Variants in ARID5B observed in about 807,000 individuals in gnomAD.
The protein encoded by ARID5B is AT-rich interactive domain-containing protein 5B.
Under a neutral mutation model 97.2 loss-of-function variants are expected in ARID5B, and 13 were observed. That is an observed-to-expected ratio of 0.13 (90% CI 0.09 to 0.21). ARID5B has a LOEUF of 0.21. ARID5B is among the 10% of genes least tolerant of loss of function. ARID5B has a pLI of 1.00. For missense variants in ARID5B, 1,210 were observed against 1,465.3 expected (o/e 0.83, Z 2.84); for synonymous variants, 556 against 570.3 (o/e 0.97, Z 0.36).
At chr10:62,062,779 CAAAAAA>C (rs55969343) in intron 7 of ARID5B, among the ~76,000 whole-genome samples, 6 of 86,204 alleles carry the variant, frequency 7.0e-5, no homozygotes, top group Admixed American at 1.3e-4. Flanking sequence ...GGCCTTTGTG[CAAAAAA>C]AAAAAAAAAA....
chr10:61,955,258 C>T (rs1271521826), intron 3 of ARID5B, among the ~76,000 whole-genome samples: 1 of 152,178 alleles, frequency 6.6e-6, no homozygotes, highest in Admixed American at 6.5e-5. Flanking sequence ...CATACCAACA[C>T]ATGCTTCTAT....
intron 2 of ARID5B, among the ~76,000 whole-genome samples, chr10:61,909,318 G>GGT (rs1843759779): frequency 2.6e-5 from 2 of 77,260 alleles, no homozygotes; most frequent in South Asian, 4.9e-4. Flanking sequence ...TATTCAGTGA[G>GGT]TTTTTTTTTT....
At chr10:62,044,044 T>A (rs1379215778) in intron 4 of ARID5B, among the ~76,000 whole-genome samples, 27 of 152,126 alleles carry the variant, frequency 1.8e-4, no homozygotes, top group Admixed American at 1.8e-3. Context: ...TTTTTTTTTT[T>A]TTTTAAATGT....
intron 2 of ARID5B, among the ~76,000 whole-genome samples, chr10:61,921,927 G>A (rs987216971): frequency 1.3e-5 from 2 of 151,908 alleles, no homozygotes; most frequent in Non-Finnish European, 1.5e-5. Flanking sequence ...CTGCAGCCTC[G>A]ACCTCCCTGG....
At chr10:61,949,367 T>G (rs1372255588) in intron 3 of ARID5B, among the ~76,000 whole-genome samples, 1 of 152,252 alleles carries the variant, frequency 6.6e-6, no homozygotes, top group Non-Finnish European at 1.5e-5. Flanking sequence ...CTGGGCACGG[T>G]GGCTCACGCC....
intron 8 of ARID5B, among the ~76,000 whole-genome samples, chr10:62,081,341 T>C (rs1185924602): frequency 6.6e-6 from 1 of 152,226 alleles, no homozygotes; most frequent in African/African-American, 2.4e-5. Context: ...GTAATACCAT[T>C]TTTCAAGCTC....
chr10:61,902,148 C>T lies in ARID5B; in HGVS notation c.22-11C>T, dbSNP rs1156447061. 6.2e-7 allele frequency: 1 copy of T among 1,607,322 alleles called. No individual in the cohort carries two copies. Among genetic ancestry groups the T allele is most frequent in the Non-Finnish European group, 8.5e-7 (1 of 1,178,174 alleles). On this transcript the variant is annotated splice_polypyrimidine_tract_variant and intron_variant, in intron 1 of 9. Coordinates refer to ENST00000279873, the MANE Select transcript of ARID5B (RefSeq NM_032199.3). ...ACATTATTTATTTGGTGTTTTTTTC[C>T]CCCCCTGCAGTGGGTCGGCTCACCG...
Position 62,090,967 on chromosome 10 carries a change from G to C in ARID5B, c.1504G>C (p.Glu502Gln). The change falls in exon 10 of 10, where the codon GAA becomes CAA. Residue 502 changes from glutamate to glutamine, a missense_variant. Transcript: ENST00000279873. Reference sequence around the variant, plus strand: ...GAAGAAAAAAATAGAAGGGTATCAGGAATTTTCAGCGAAGCCCCTGGCATC... The same window carrying C: ...GAAGAAAAAAATAGAAGGGTATCAGCAATTTTCAGCGAAGCCCCTGGCATC... ...DMKKKIEGYQ[E>Q]FSAKPLASRV... The C allele has an allele frequency of 6.2e-7, 1 of 1,614,170 alleles. No homozygotes were observed. Among genetic ancestry groups the C allele is most frequent in the South Asian group, 1.1e-5 (1 of 91,084 alleles).
At chr10:61,932,167 T>C (rs2132784980) in intron 2 of ARID5B, among the ~76,000 whole-genome samples, 1 of 152,290 alleles carries the variant, frequency 6.6e-6, no homozygotes, top group African/African-American at 2.4e-5. Context: ...AAGTTACATT[T>C]ACACCATACT....
chr10:61,982,301 C>T (rs1456735519), intron 3 of ARID5B, among the ~76,000 whole-genome samples: 7 of 152,134 alleles, frequency 4.6e-5, no homozygotes, highest in Admixed American at 2.6e-4. Flanking sequence ...ACCCCAGAAC[C>T]GAGCTAGAAT....
chr10:61,916,938 G>A (rs1843917435), intron 2 of ARID5B, among the ~76,000 whole-genome samples: 1 of 152,138 alleles, frequency 6.6e-6, no homozygotes, highest in South Asian at 2.1e-4. Context: ...GACTGGGCCA[G>A]GTCTGGGAGA....
chr10:62,092,631 A>G lies in ARID5B; in HGVS notation c.3168A>G (p.Ala1056=). 6.2e-7 allele frequency: 1 copy of G among 1,614,192 alleles called. No homozygotes were observed. Among genetic ancestry groups the G allele is most frequent in the Non-Finnish European group, 8.5e-7 (1 of 1,180,018 alleles). The change falls in exon 10 of 10, where the codon GCA becomes GCG. Residue 1056 remains alanine (A), a synonymous_variant. Transcript: ENST00000279873. Reference sequence around the variant, plus strand: ...AGCAGGAGAGTGAAGGCAGCAAAGCAGCGCACGGTGGGCATTCCGGGGGCG... The same window carrying G: ...AGCAGGAGAGTGAAGGCAGCAAAGCGGCGCACGGTGGGCATTCCGGGGGCG... The part of the protein sequence containing the change: ...ASEQESEGSK[A]AHGGHSGGGS...
At chr10:61,968,187 TAC>T (rs33990104) in intron 3 of ARID5B, among the ~76,000 whole-genome samples, 2,609 of 138,002 alleles carry the variant, frequency 0.019, 28 homozygotes, top group Non-Finnish European at 0.026. Flanking sequence ...CACATATTTA[TAC>T]ACACACACAC....
At chr10:62,010,453 T>C (rs1277233490) in intron 4 of ARID5B, among the ~76,000 whole-genome samples, 1 of 152,234 alleles carries the variant, frequency 6.6e-6, no homozygotes, top group Admixed American at 6.5e-5. Flanking sequence ...TTTGTTGAAA[T>C]GATACGAAAA....
intron 3 of ARID5B, among the ~76,000 whole-genome samples, chr10:61,979,055 A>G (rs1464173718): frequency 2.0e-5 from 3 of 152,190 alleles, no homozygotes; most frequent in Admixed American, 2.0e-4. Flanking sequence ...TTCCAAAGGT[A>G]CTGAGTGTGA....
intron 4 of ARID5B, among the ~76,000 whole-genome samples, chr10:62,010,274 A>T (rs1032194658): frequency 6.6e-6 from 1 of 152,172 alleles, no homozygotes; most frequent in African/African-American, 2.4e-5. Context: ...AGGCTAAAAG[A>T]GTCACTTCAG....
At chr10:62,030,911 G>A (rs998098991) in intron 4 of ARID5B, among the ~76,000 whole-genome samples, 2 of 152,180 alleles carry the variant, frequency 1.3e-5, no homozygotes, top group Admixed American at 6.5e-5. Flanking sequence ...CATCCCCCAG[G>A]AATCAGGCAA....
In ARID5B at chr10:62,092,331, G is replaced by C. The variant is rs1234116737; in HGVS notation, c.2868G>C (p.Arg956=). ...GAGACTGTCACCCCAAAGCCTGTCGGGTATCACCCATGACCATGTCAGGCC... is the reference window on the plus strand; with the variant it reads ...GAGACTGTCACCCCAAAGCCTGTCGCGTATCACCCATGACCATGTCAGGCC... ...QSRDCHPKAC[R]VSPMTMSGPK... Residue 956 remains arginine, a synonymous_variant, in exon 10 of 10, where the codon CGG becomes CGC. Coordinates refer to ENST00000279873, the MANE Select transcript of ARID5B (RefSeq NM_032199.3). 3.7e-6 allele frequency: 6 copies of C among 1,613,430 alleles called. No individual in the cohort carries two copies. The South Asian group carries it at 6.6e-5, about 18-fold the overall frequency.
chr10:62,004,643 G>A (rs1839123372), intron 4 of ARID5B, among the ~76,000 whole-genome samples: 1 of 152,110 alleles, frequency 6.6e-6, no homozygotes, highest in South Asian at 2.1e-4. Flanking sequence ...TTTGTAAAAT[G>A]CATACTGTCA....
Sources: gnomAD v4.1 joint callset for allele counts (sites outside exome capture counted in the v4.1 genomes callset) on GRCh38, gnomAD v4.1.1 for gene constraint, MANE v1.5 for transcripts, NCBI Gene and HGNC (gene_info 2026-07-23, HGNC 2026-07-21) for gene names.